Variants in APBB1IP observed in about 807,000 individuals in gnomAD.
The protein encoded by APBB1IP is amyloid beta precursor protein binding family B member 1 interacting protein.
APBB1IP carries 27 observed loss-of-function variants against 64.9 expected under a neutral mutation model. The observed-to-expected ratio is 0.42, with a 90% CI of 0.31 to 0.57. APBB1IP has a LOEUF of 0.57. APBB1IP is among the 20% of genes least tolerant of loss of function. The pLI, the probability that APBB1IP is intolerant of heterozygous loss-of-function variation, is 0.20. For missense variants in APBB1IP, 812 were observed against 845.5 expected, an observed-to-expected ratio of 0.96 and a Z score of 0.49; for synonymous variants, 392 against 331.0, an observed-to-expected ratio of 1.18 and a Z score of -2.00.
At chr10:26,550,715 T>C (rs890469411) in intron 11 of APBB1IP, among the ~76,000 whole-genome samples, 14 of 152,272 alleles carry the variant, frequency 9.2e-5, no homozygotes, top group African/African-American at 3.1e-4. Context: ...GAATTCTTTG[T>C]CTGCCAGATA....
chr10:26,550,321 A>G (rs1836815524), intron 11 of APBB1IP, among the ~76,000 whole-genome samples: 1 of 151,858 alleles, frequency 6.6e-6, no homozygotes, highest in South Asian at 2.1e-4. Flanking sequence ...CTTTTCTATT[A>G]TTATTTATTT....
At chr10:26,547,670 C>G (rs971645208) in intron 11 of APBB1IP, among the ~76,000 whole-genome samples, 63 of 152,246 alleles carry the variant, frequency 4.1e-4, no homozygotes, top group Non-Finnish European at 6.9e-4. Context: ...GTCTCGAACC[C>G]CTGACTTCAG....
chr10:26,558,326 A>G (rs1836920537), intron 11 of APBB1IP, among the ~76,000 whole-genome samples: 1 of 152,168 alleles, frequency 6.6e-6, no homozygotes. Context: ...TGAACAGGAA[A>G]TATTGTGCTT....
chr10:26,492,453 T>A, intron 3 of APBB1IP, 55 bp downstream of exon 3: 1 of 1,528,398 alleles, frequency 6.5e-7, no homozygotes, highest in Non-Finnish European at 9.1e-7. Context: ...GTTGCAGAAT[T>A]TCATTGTAAT....
chr10:26,481,783 G>T (rs552255020), intron 2 of APBB1IP, among the ~76,000 whole-genome samples: 1 of 151,574 alleles, frequency 6.6e-6, no homozygotes, highest in Non-Finnish European at 1.5e-5. Flanking sequence ...CACCGCACCT[G>T]GCCTAAATCA....
At chr10:26,529,918 G>A (rs997537027) in intron 8 of APBB1IP, among the ~76,000 whole-genome samples, 2 of 152,158 alleles carry the variant, frequency 1.3e-5, no homozygotes, top group Admixed American at 6.5e-5. Context: ...TGGGATTACA[G>A]GCGTGAGCCA....
intron 2 of APBB1IP, among the ~76,000 whole-genome samples, chr10:26,477,748 T>C (rs989925444): frequency 1.3e-5 from 2 of 152,316 alleles, no homozygotes; most frequent in Non-Finnish European, 1.5e-5. Flanking sequence ...TCTAATTTTT[T>C]TGAGTCAAGG....
intron 8 of APBB1IP, among the ~76,000 whole-genome samples, chr10:26,516,435 T>C (rs913048993): frequency 6.8e-6 from 1 of 146,652 alleles, no homozygotes; most frequent in Non-Finnish European, 1.5e-5. Flanking sequence ...CTCAGCTACT[T>C]GGGAGGCTGA....
intron 8 of APBB1IP, among the ~76,000 whole-genome samples, chr10:26,530,807 G>A (rs957379159): frequency 2.6e-5 from 4 of 152,024 alleles, no homozygotes; most frequent in East Asian, 1.9e-4. Context: ...CCTATGTTAC[G>A]GGGTTCTTGT....
chr10:26,504,541 C>G (rs1317339843), intron 6 of APBB1IP, among the ~76,000 whole-genome samples: 1 of 151,972 alleles, frequency 6.6e-6, no homozygotes, highest in Non-Finnish European at 1.5e-5. Flanking sequence ...GAAACCCTGT[C>G]TATACTAAAA....
chr10:26,507,164 A>T (rs1387025996), intron 6 of APBB1IP, among the ~76,000 whole-genome samples: 1 of 152,140 alleles, frequency 6.6e-6, no homozygotes, highest in Non-Finnish European at 1.5e-5. Context: ...TGAGGGTTTT[A>T]AACAGGGGAG....
chr10:26,563,543 A>G (rs2132486356), intron 14 of APBB1IP, among the ~76,000 whole-genome samples: 1 of 152,362 alleles, frequency 6.6e-6, no homozygotes, highest in Admixed American at 6.5e-5. Flanking sequence ...CTTTAAATCT[A>G]TCTTAAAATC....
intron 3 of APBB1IP, among the ~76,000 whole-genome samples, chr10:26,493,524 C>T (rs1199982558): frequency 6.6e-6 from 1 of 152,216 alleles, no homozygotes; most frequent in Non-Finnish European, 1.5e-5. Context: ...TTAAGTTCTT[C>T]TGCCATGGCT....
At chr10:26,533,584 C>T (rs1312691639) in intron 9 of APBB1IP, 59 bp downstream of exon 9, 2 of 1,148,772 alleles carry the variant, frequency 1.7e-6, no homozygotes, top group East Asian at 2.6e-5. Flanking sequence ...ATTTTTAAGT[C>T]ATTTGCTTCC....
At chr10:26,555,226 C>T (rs1320904818) in intron 11 of APBB1IP, among the ~76,000 whole-genome samples, 1 of 152,190 alleles carries the variant, frequency 6.6e-6, no homozygotes, top group Non-Finnish European at 1.5e-5. Context: ...CCAGTGACTT[C>T]CTGTGTCACT....
rs1470519522 is a variant in APBB1IP at position 26,564,350 on chromosome 10, C to T, written c.1473+1921C>T. On this transcript the variant is annotated intron_variant, in intron 14 of 14. Transcript: ENST00000376236. ...TCTATTAGACTTAGGCCAAATTTGG[C>T]ATGCTGGTTTCTACCAATAGCACAT... 8.5e-5 allele frequency among the ~76,000 whole-genome samples: 13 copies of T among 152,298 alleles called. 1 individual carries two copies. The East Asian group carries it at 1.5e-3, about 18-fold the overall frequency.
At chr10:26,551,520 C>T (rs999497174) in intron 11 of APBB1IP, among the ~76,000 whole-genome samples, 1 of 152,148 alleles carries the variant, frequency 6.6e-6, no homozygotes, top group Non-Finnish European at 1.5e-5. Context: ...AGAAGCCGTT[C>T]CTTCATGCAT....
chr10:26,488,491 C>T (rs1835919312), intron 2 of APBB1IP, among the ~76,000 whole-genome samples: 1 of 152,130 alleles, frequency 6.6e-6, no homozygotes. Context: ...CCTCGGCCTC[C>T]CAAAGTGCTG....
chr10:26,545,691 C>G (rs1230469463), intron 11 of APBB1IP, among the ~76,000 whole-genome samples: 1 of 150,954 alleles, frequency 6.6e-6, no homozygotes, highest in Non-Finnish European at 1.5e-5. Flanking sequence ...ACCCGGGAGG[C>G]GGAGCTTGCA....
Sources: gnomAD v4.1 joint callset for allele counts (sites outside exome capture counted in the v4.1 genomes callset) on GRCh38, gnomAD v4.1.1 for gene constraint, MANE v1.5 for transcripts, NCBI Gene and HGNC (gene_info 2026-07-23, HGNC 2026-07-21) for gene names.